FMN2: variants seen among roughly 807,000 people sequenced by gnomAD.
The protein encoded by FMN2 is formin 2.
A neutral mutation model predicts 142.3 loss-of-function variants in FMN2; 51 were observed. The observed-to-expected ratio is 0.36, with a 90% CI of 0.29 to 0.45. The LOEUF (loss-of-function observed/expected upper bound fraction) is 0.45. FMN2 is among the 20% of genes least tolerant of loss of function. The probability of loss-of-function intolerance (pLI) is 1.00; values close to 1 mark genes in which losing one functional copy is unlikely to be tolerated. For synonymous variants in FMN2, 882 were observed against 869.8 expected (o/e 1.01, Z -0.25); for missense variants, 1,936 against 2,122.8 (o/e 0.91, Z 1.73).
chr1:240,200,290 A>G (rs1350328207), intron 4 of FMN2, among the ~76,000 whole-genome samples: 1 of 152,172 alleles, frequency 6.6e-6, no homozygotes, highest in Non-Finnish European at 1.5e-5. Flanking sequence ...CTTTTTCCTG[A>G]TAATTACTAA....
chr1:240,138,187 A>G (rs7543271), intron 2 of FMN2, among the ~76,000 whole-genome samples: 79,872 of 151,550 alleles, frequency 0.53, 21,974 homozygotes, highest in African/African-American at 0.68. Context: ...GAGCAGTAGG[A>G]AGCCGGTGGA....
intron 2 of FMN2, among the ~76,000 whole-genome samples, chr1:240,156,508 A>C (rs887539916): frequency 1.3e-5 from 2 of 152,212 alleles, no homozygotes; most frequent in African/African-American, 4.8e-5. Context: ...ATGCAGAGTC[A>C]GGAAACTGGT....
Position 240,437,941 on chromosome 1 carries a change from T to C in FMN2, c.4911-120T>C. ...AGCTACTGTTGGTGCTTGAAGAGCTTGAGTCCTCTTGGTAATAATAATTGT... is the reference window on the plus strand; with the variant it reads ...AGCTACTGTTGGTGCTTGAAGAGCTCGAGTCCTCTTGGTAATAATAATTGT... On this transcript the variant is annotated intron_variant, in intron 15 of 17. Coordinates refer to ENST00000319653, the MANE Select transcript of FMN2 (RefSeq NM_020066.5). 4.8e-6 allele frequency: 6 copies of C among 1,261,800 alleles called. No homozygotes were observed. In the South Asian group the frequency reaches 6.0e-5, roughly 13 times the overall value. The allele number at this position is 1,261,800 out of a possible 1,614,324, so 78.2% of individuals were successfully genotyped here. A position where few individuals can be genotyped will look rare whatever the true frequency, so the allele number is the denominator to read the frequency against.
chr1:240,352,958 G>A (rs962524976), intron 13 of FMN2, among the ~76,000 whole-genome samples: 3 of 152,126 alleles, frequency 2.0e-5, no homozygotes, highest in African/African-American at 7.2e-5. Context: ...CAGTGACAAA[G>A]GGCTCACCCC....
rs112250292 is a variant in FMN2, at chr1:240,452,485, T to C, written c.5060+14275T>C. ...AATATATATTTTTGCAAAAATTTTA[T>C]CAGAAATAAAAGTGTATTCCTAGAT... is the stretch of plus-strand genomic sequence containing the variant. On this transcript the variant is annotated intron_variant, in intron 16 of 17. Transcript: ENST00000319653. Among the ~76,000 whole-genome samples, 561 of 152,266 alleles carry C rather than the reference T, an allele frequency of 3.7e-3. 6 individuals carry two copies. Among genetic ancestry groups the C allele is most frequent in the African/African-American group, 0.013 (531 of 41,562 alleles).
At chr1:240,439,781 T>A (rs576094140) in intron 16 of FMN2, among the ~76,000 whole-genome samples, 31 of 152,042 alleles carry the variant, frequency 2.0e-4, no homozygotes, top group African/African-American at 7.5e-4. Flanking sequence ...TTAAGTGATA[T>A]TTACCAAAAA....
chr1:240,443,411 A>C (rs1675692525), intron 16 of FMN2, among the ~76,000 whole-genome samples: 1 of 152,226 alleles, frequency 6.6e-6, no homozygotes, highest in South Asian at 2.1e-4. Flanking sequence ...AAACATGTGC[A>C]AGTATGCATT....
intron 4 of FMN2, among the ~76,000 whole-genome samples, chr1:240,204,109 T>C (rs1325681590): frequency 6.6e-6 from 1 of 152,188 alleles, no homozygotes; most frequent in Non-Finnish European, 1.5e-5. Context: ...ATTTTTCAGT[T>C]TCCTTTCATA....
rs113865746 is a variant in FMN2 at position 240,185,147 on chromosome 1, T to G, written c.1931-3060T>G. Among the ~76,000 whole-genome samples, 271 of 80,086 alleles carry G rather than the reference T, an allele frequency of 3.4e-3. 1 individual carries two copies. Among genetic ancestry groups the G allele is most frequent in the East Asian group, 0.025 (60 of 2,444 alleles). 52.5% of individuals were successfully genotyped at this position (80,086 alleles called of 152,430 possible). On this transcript the variant is annotated intron_variant, in intron 3 of 17. Transcript: ENST00000319653. ...CCTTCTCTTTCTCCCTCCTATACCT[T>G]CCCCTTCTCTTTCTCCCTCCTACAC...
At chr1:240,156,819 G>A (rs1664044125) in intron 2 of FMN2, among the ~76,000 whole-genome samples, 1 of 152,120 alleles carries the variant, frequency 6.6e-6, no homozygotes, top group Non-Finnish European at 1.5e-5. Context: ...CTGAGGAAGT[G>A]GGATATGTTA....
chr1:240,141,382 C>T (rs915048588), intron 2 of FMN2, among the ~76,000 whole-genome samples: 6 of 152,118 alleles, frequency 3.9e-5, no homozygotes, highest in South Asian at 2.1e-4. Context: ...GATGGAGTCT[C>T]ACTCTGTCAT....
At chr1:240,444,908 G>A (rs1453922288) in intron 16 of FMN2, among the ~76,000 whole-genome samples, 3 of 152,214 alleles carry the variant, frequency 2.0e-5, no homozygotes, top group East Asian at 1.9e-4. Flanking sequence ...ATGGAATAAC[G>A]TACTTGCTGG....
At position 240,173,529 on chromosome 1, in the gene FMN2, T is replaced by G. The variant is rs566184922; in HGVS notation, c.1783-4392T>G. Among the ~76,000 whole-genome samples, 138 of 152,190 alleles carry G rather than the reference T, an allele frequency of 9.1e-4. 1 individual carries two copies. Among genetic ancestry groups the G allele is most frequent in the Non-Finnish European group, 6.0e-4 (41 of 68,012 alleles). ...TAGATTTTTTAATGATTGATTAGAC[T>G]CCTTGAGTGGGTAGAGCTGGAGAAG... On this transcript the variant is annotated intron_variant, in intron 2 of 17. Coordinates refer to ENST00000319653, the MANE Select transcript of FMN2 (RefSeq NM_020066.5).
intron 7 of FMN2, among the ~76,000 whole-genome samples, chr1:240,283,580 T>C (rs1030335795): frequency 1.3e-5 from 2 of 152,218 alleles, no homozygotes; most frequent in Non-Finnish European, 2.9e-5. Flanking sequence ...GTCTGCTATA[T>C]GCAGGACACT....
intron 16 of FMN2, chr1:240,471,851 C>T (rs2065830): frequency 0.67 from 103,035 of 154,310 alleles, 35,367 homozygotes; most frequent in African/African-American, 0.84. Flanking sequence ...CACTCTGTTG[C>T]CCATGCTGGT....
intron 15 of FMN2, among the ~76,000 whole-genome samples, chr1:240,430,782 G>C (rs545074878): frequency 1.0e-4 from 15 of 148,054 alleles, no homozygotes; most frequent in African/African-American, 3.5e-4. Flanking sequence ...TAAAAATTCA[G>C]ATGACCTTGT....
At chr1:240,397,583 C>T (rs928141377) in intron 15 of FMN2, among the ~76,000 whole-genome samples, 1 of 151,798 alleles carries the variant, frequency 6.6e-6, no homozygotes, top group African/African-American at 2.4e-5. Context: ...TGAGACCAGC[C>T]TGGTCAACCA....
At chr1:240,119,206 G>A (rs1201508580) in intron 1 of FMN2, among the ~76,000 whole-genome samples, 2 of 152,016 alleles carry the variant, frequency 1.3e-5, no homozygotes, top group Non-Finnish European at 2.9e-5. Flanking sequence ...GCGCATGCCT[G>A]TAATCCCGGC....
intron 6 of FMN2, among the ~76,000 whole-genome samples, chr1:240,253,655 ATC>A (rs1366690059): frequency 6.6e-6 from 1 of 152,140 alleles, no homozygotes; most frequent in African/African-American, 2.4e-5. Flanking sequence ...GAGGTGTAAT[ATC>A]TCTTTGTTTT....
Sources: allele counts gnomAD v4.1 joint callset (sites outside exome capture counted in the v4.1 genomes callset), GRCh38; gene constraint gnomAD v4.1.1; transcripts MANE v1.5; gene names NCBI Gene and HGNC (gene_info 2026-07-23, HGNC 2026-07-21).